Variants in TRIM9 observed in about 807,000 individuals in gnomAD.
TRIM9 encodes tripartite motif containing 9, also known as E3 ubiquitin-protein ligase TRIM9.
TRIM9 carries 26 observed loss-of-function variants against 78.3 expected under a neutral mutation model. That is an observed-to-expected ratio of 0.33 (90% CI 0.24 to 0.46). TRIM9 has a LOEUF of 0.46. TRIM9 is among the 20% of genes least tolerant of loss of function. The probability of loss-of-function intolerance (pLI) is 1.00; values close to 1 mark genes in which losing one functional copy is unlikely to be tolerated. For synonymous variants in TRIM9, 398 were observed against 416.5 expected, an observed-to-expected ratio of 0.96 and a Z score of 0.54; for missense variants, 787 against 1,036.4, an observed-to-expected ratio of 0.76 and a Z score of 3.30.
chr14:51,045,191 C>T (rs550333234), intron 1 of TRIM9, among the ~76,000 whole-genome samples: 1 of 152,234 alleles, frequency 6.6e-6, no homozygotes, highest in South Asian at 2.1e-4. Context: ...ATCAGAGACT[C>T]CTTCCCCTGT....
rs1238710645 is a variant in TRIM9 at position 50,982,076 on chromosome 14, G to A, written c.1886C>T (p.Ser629Leu). Reference protein sequence around the residue: ...AVAWFAFDPGSAHSDIILSND... With the variant: ...AVAWFAFDPGLAHSDIILSND... ...GGAGAGGATGATGTCCGAGTGCGCC[G>A]AGCCAGGGTCGAAAGCAAACCAGGC... The change falls in exon 11 of 13, where the codon TCG (serine) becomes TTG (leucine). Residue 629 changes from serine (S) to leucine (L), a missense_variant. By Grantham distance (145) the Ser-to-Leu change is moderately radical. Transcript: ENST00000684578. 4.3e-6 allele frequency: 7 copies of A among 1,614,020 alleles called. No individual in the cohort carries two copies. The highest frequency in any genetic ancestry group is 2.2e-5 in the South Asian group (2 of 91,076).
At chr14:51,034,255 T>C (rs546588215) in intron 1 of TRIM9, among the ~76,000 whole-genome samples, 1 of 152,326 alleles carries the variant, frequency 6.6e-6, no homozygotes, top group Admixed American at 6.5e-5. Flanking sequence ...CACACTTAGA[T>C]AGCACTCTAT....
chr14:51,049,118 G>A (rs1175558036), intron 1 of TRIM9, among the ~76,000 whole-genome samples: 1 of 152,174 alleles, frequency 6.6e-6, no homozygotes, highest in African/African-American at 2.4e-5. Flanking sequence ...CTGGCATGCA[G>A]AAGCGCAGTC....
chr14:50,987,706 C>G (rs1254124972), intron 7 of TRIM9, among the ~76,000 whole-genome samples: 1 of 152,098 alleles, frequency 6.6e-6, no homozygotes, highest in Non-Finnish European at 1.5e-5. Flanking sequence ...ATACAACACC[C>G]AAGCACCACA....
At chr14:51,063,461 T>G (rs74054023) in intron 1 of TRIM9, among the ~76,000 whole-genome samples, 3,793 of 133,670 alleles carry the variant, frequency 0.028, 162 homozygotes, top group African/African-American at 0.1. Flanking sequence ...CTCCCAAATT[T>G]GGTTAAAAAA....
intron 11 of TRIM9, 134 bp from the exon 12 acceptor site, chr14:50,979,683 C>A (rs1283100903): frequency 4.1e-6 from 3 of 738,914 alleles, no homozygotes; most frequent in African/African-American, 3.5e-5. Flanking sequence ...CCCTAATCAT[C>A]CCTTGCACAT....
chr14:51,071,143 A>G (rs926916496), intron 1 of TRIM9, among the ~76,000 whole-genome samples: 1 of 152,084 alleles, frequency 6.6e-6, no homozygotes. Context: ...CTTTGAGGCC[A>G]GGGTGGGCGG....
At chr14:51,005,371 T>C (rs929815325) in intron 5 of TRIM9, among the ~76,000 whole-genome samples, 2 of 152,192 alleles carry the variant, frequency 1.3e-5, no homozygotes, top group African/African-American at 2.4e-5. Context: ...TAACAGCCAA[T>C]GGTCTATGTG....
intron 1 of TRIM9, among the ~76,000 whole-genome samples, chr14:51,044,687 C>T (rs971102779): frequency 2.6e-5 from 4 of 152,206 alleles, no homozygotes; most frequent in Non-Finnish European, 5.9e-5. Flanking sequence ...TGCTGACTTC[C>T]TTTCATTGTA....
intron 7 of TRIM9, 49 bp from the exon 8 acceptor site, chr14:50,986,193 T>C: frequency 7.1e-7 from 1 of 1,417,836 alleles, no homozygotes; most frequent in Non-Finnish European, 9.3e-7. Flanking sequence ...TGCTATTATG[T>C]CCCCGTGCAC....
intron 1 of TRIM9, among the ~76,000 whole-genome samples, chr14:51,082,124 C>G (rs1189385475): frequency 6.6e-6 from 1 of 152,216 alleles, no homozygotes; most frequent in Non-Finnish European, 1.5e-5. Flanking sequence ...AGCTCCCATC[C>G]TGAGGGGACC....
At chr14:50,997,639 A>G (rs547218568) in intron 7 of TRIM9, 32 of 1,044,618 alleles carry the variant, frequency 3.1e-5, no homozygotes, top group African/African-American at 1.7e-5. Context: ...CCTCAGAACA[A>G]GCAAGTACTA....
intron 1 of TRIM9, among the ~76,000 whole-genome samples, chr14:51,063,369 A>G (rs1411272925): frequency 6.6e-6 from 1 of 152,186 alleles, no homozygotes; most frequent in Non-Finnish European, 1.5e-5. Context: ...TCAGCCTAAT[A>G]TACATTTAAT....
At chr14:50,981,101 G>A (rs2051828243) in intron 11 of TRIM9, among the ~76,000 whole-genome samples, 1 of 151,958 alleles carries the variant, frequency 6.6e-6, no homozygotes, top group Admixed American at 6.6e-5. Context: ...AAATACATTT[G>A]AGGAACACAA....
intron 7 of TRIM9, among the ~76,000 whole-genome samples, chr14:50,992,279 T>G (rs1245133243): frequency 6.6e-6 from 1 of 152,092 alleles, no homozygotes; most frequent in Non-Finnish European, 1.5e-5. Context: ...AAAATCACTA[T>G]TAAATATGAG....
intron 1 of TRIM9, among the ~76,000 whole-genome samples, chr14:51,070,192 A>C (rs1004122862): frequency 1.4e-4 from 21 of 152,244 alleles, no homozygotes; most frequent in African/African-American, 5.1e-4. Context: ...GAAGGCTGCA[A>C]TGCTTGGGGA....
At chr14:51,085,046 T>A (rs1404236227) in intron 1 of TRIM9, among the ~76,000 whole-genome samples, 2 of 152,240 alleles carry the variant, frequency 1.3e-5, no homozygotes. Flanking sequence ...AGACTAATAA[T>A]GCCTTAGACT....
chr14:51,033,092 A>T (rs2058867701), intron 1 of TRIM9, among the ~76,000 whole-genome samples: 1 of 152,132 alleles, frequency 6.6e-6, no homozygotes, highest in African/African-American at 2.4e-5. Flanking sequence ...TTATTTATTT[A>T]CTTATTTATT....
At chr14:50,996,824 C>T in intron 7 of TRIM9, 1 of 985,386 alleles carries the variant, frequency 1.0e-6, no homozygotes, top group African/African-American at 1.7e-5. Context: ...GGGCATTTTC[C>T]CTCAGCATAT....
Sources: allele counts gnomAD v4.1 joint callset (sites outside exome capture counted in the v4.1 genomes callset), GRCh38; gene constraint gnomAD v4.1.1; transcripts MANE v1.5; gene names NCBI Gene and HGNC (gene_info 2026-07-23, HGNC 2026-07-21).